The following OSTF1 variants were observed in gnomAD, a reference collection of about 807,000 sequenced individuals.
OSTF1 encodes osteoclast-stimulating factor 1.
In OSTF1, 27 loss-of-function variants were observed where a neutral mutation model predicts 37.2. The observed-to-expected ratio is 0.73, with a 90% confidence interval of 0.54 to 1.00. The LOEUF (loss-of-function observed/expected upper bound fraction) is 1.00, where lower values mean the gene tolerates loss of function less well. OSTF1 is among the 50% of genes least tolerant of loss of function. The pLI is 0.00. For synonymous variants in OSTF1, 82 were observed against 89.2 expected, an observed-to-expected ratio of 0.92 and a Z score of 0.46; for missense variants, 232 against 253.8, an observed-to-expected ratio of 0.91 and a Z score of 0.58.
At chr9:75,125,064 CA>C (rs1432030311) in intron 2 of OSTF1, among the ~76,000 whole-genome samples, 1 of 152,158 alleles carries the variant, frequency 6.6e-6, no homozygotes, top group Non-Finnish European at 1.5e-5. Flanking sequence ...AAAGTTCCTC[CA>C]GAAAAATGTT....
chr9:75,119,710 TA>T (rs1289041230), intron 2 of OSTF1, among the ~76,000 whole-genome samples: 1 of 152,208 alleles, frequency 6.6e-6, no homozygotes, highest in Non-Finnish European at 1.5e-5. Context: ...CTCACGCCTG[TA>T]ATCCCAGCAC....
chr9:75,119,117 G>A (rs961750141), intron 2 of OSTF1, among the ~76,000 whole-genome samples: 1 of 152,188 alleles, frequency 6.6e-6, no homozygotes, highest in Non-Finnish European at 1.5e-5. Context: ...GCCAGGGCCT[G>A]CCTTCAAATC....
At chr9:75,119,941 C>T (rs766578477) in intron 2 of OSTF1, among the ~76,000 whole-genome samples, 1 of 150,726 alleles carries the variant, frequency 6.6e-6, no homozygotes, top group African/African-American at 2.4e-5. Context: ...TCCAGCCTGG[C>T]GACAGAGTGA....
intron 1 of OSTF1, among the ~76,000 whole-genome samples, chr9:75,098,012 C>T (rs1825118956): frequency 6.6e-6 from 1 of 152,098 alleles, no homozygotes; most frequent in African/African-American, 2.4e-5. Flanking sequence ...TGTGCATCAC[C>T]ATGCCTGGCT....
In OSTF1 at chr9:75,117,552, T is replaced by A. The variant is rs1370445786; in HGVS notation, c.81+2T>A. ...CTGTATACGTTTGAACCCAGAACTG[T>A]AAGTGTTCAGTTTTTAACTTCTAAA... On this transcript the variant is annotated splice_donor_variant, in intron 2 of 9. Coordinates refer to ENST00000346234, the MANE Select transcript of OSTF1 (RefSeq NM_012383.5). LOFTEE classifies it high-confidence loss of function. The A allele has an allele frequency of 6.2e-7, 1 of 1,600,618 alleles. No homozygotes were observed. Among genetic ancestry groups the A allele is most frequent in the Non-Finnish European group, 8.6e-7 (1 of 1,168,626 alleles).
chr9:75,144,374 G>C (rs1252792198), intron 9 of OSTF1, among the ~76,000 whole-genome samples: 1 of 152,098 alleles, frequency 6.6e-6, no homozygotes, highest in African/African-American at 2.4e-5. Context: ...AACATAGTGA[G>C]ATGACGTCTT....
chr9:75,103,135 A>G (rs560656251), intron 1 of OSTF1, among the ~76,000 whole-genome samples: 1 of 152,244 alleles, frequency 6.6e-6, no homozygotes, highest in South Asian at 2.1e-4. Flanking sequence ...AAAAATAGAG[A>G]AAGAAAAATT....
chr9:75,128,394 A>T (rs868247927), intron 3 of OSTF1, among the ~76,000 whole-genome samples: 4 of 90,798 alleles, frequency 4.4e-5, no homozygotes, highest in African/African-American at 2.0e-4. Context: ...ATATATATAT[A>T]TATATATATA....
chr9:75,117,452 G>A, intron 1 of OSTF1, 52 bp from the exon 2 acceptor site: 1 of 1,317,278 alleles, frequency 7.6e-7, no homozygotes, highest in Non-Finnish European at 1.1e-6. Context: ...ATGCTATTAA[G>A]AGCAAATTCA....
At chr9:75,092,557 G>T (rs565215618) in intron 1 of OSTF1, among the ~76,000 whole-genome samples, 4 of 152,066 alleles carry the variant, frequency 2.6e-5, no homozygotes, top group African/African-American at 7.2e-5. Context: ...AAAAAAGCTT[G>T]TAAGTAAAAA....
chr9:75,137,696 A>G (rs1825865321), intron 8 of OSTF1, 80 bp downstream of exon 8: 2 of 863,460 alleles, frequency 2.3e-6, no homozygotes, highest in East Asian at 4.9e-5. Flanking sequence ...TTGAAATGGT[A>G]GGAAGAATAA....
At chr9:75,131,729 G>T in intron 4 of OSTF1, 41 bp from the exon 5 acceptor site, 1 of 1,514,910 alleles carries the variant, frequency 6.6e-7, no homozygotes, top group South Asian at 1.1e-5. Flanking sequence ...CATTTGTGTG[G>T]CAATTCCACA....
Position 75,147,033 on chromosome 9 carries a change from A to ATTTTTTTTTTTTTTTTTTTTTT in OSTF1, c.*293_*314dup, listed in dbSNP as rs34855201. The ATTTTTTTTTTTTTTTTTTTTTT allele has an allele frequency of 9.3e-6, 1 of 107,898 alleles. No homozygotes were observed. The highest frequency in any genetic ancestry group is 3.8e-5 in the African/African-American group (1 of 26,574). The allele number at this position is 107,898 out of a possible 1,614,324, so 6.7% of individuals were successfully genotyped here. On this transcript the variant is annotated 3_prime_UTR_variant, in exon 10 of 10. Transcript: ENST00000346234. The stretch of plus-strand genomic sequence containing the variant: ...TTTTTTTCTTTAAAAACAAATTAGG[A>ATTTTTTTTTTTTTTTTTTTTTT]TTTTTTTTTTTTTTTTTTTTTTAGT...
intron 5 of OSTF1, 38 bp downstream of exon 5, chr9:75,131,861 G>T: frequency 6.7e-7 from 1 of 1,488,836 alleles, no homozygotes; most frequent in East Asian, 2.3e-5. Context: ...ATGCAGTACA[G>T]TAAAAGGCAC....
intron 6 of OSTF1, 85 bp downstream of exon 6, chr9:75,133,486 G>A (rs1443803601): frequency 1.2e-6 from 1 of 802,402 alleles, no homozygotes; most frequent in Non-Finnish European, 2.1e-6. Context: ...AAATGAGAAA[G>A]GAAAAGCATT....
At position 75,137,924 on chromosome 9, in the gene OSTF1, C is replaced by T. The variant is rs2025160; in HGVS notation, c.487+308C>T. Among the ~76,000 whole-genome samples the T allele has an allele frequency of 7.1e-3, 1,086 of 152,186 alleles. 16 individuals carry two copies. Among genetic ancestry groups the T allele is most frequent in the African/African-American group, 0.023 (948 of 41,508 alleles). On this transcript the variant is annotated intron_variant, in intron 8 of 9. Coordinates refer to ENST00000346234, the MANE Select transcript of OSTF1 (RefSeq NM_012383.5). Reference sequence around the variant, plus strand: ...TAGAAACAAAGAATGTATGTGTACACGTGTGTTGGGGAGATCCTGTCTGAG... The same window carrying T: ...TAGAAACAAAGAATGTATGTGTACATGTGTGTTGGGGAGATCCTGTCTGAG...
intron 1 of OSTF1, among the ~76,000 whole-genome samples, chr9:75,111,351 G>A (rs932729226): frequency 6.6e-6 from 1 of 152,162 alleles, no homozygotes; most frequent in African/African-American, 2.4e-5. Context: ...GTGTTTGGCT[G>A]ATGACTAATG....
chr9:75,109,023 CTTTTT>C (rs1057097433), intron 1 of OSTF1, among the ~76,000 whole-genome samples: 1 of 135,382 alleles, frequency 7.4e-6, no homozygotes. Context: ...CAGGTTTATT[CTTTTT>C]TTTTTTTTTT....
At chr9:75,102,969 A>G (rs1825219878) in intron 1 of OSTF1, among the ~76,000 whole-genome samples, 1 of 152,200 alleles carries the variant, frequency 6.6e-6, no homozygotes, top group African/African-American at 2.4e-5. Context: ...GAGGACTCAT[A>G]TTAGTAAATA....
Sources: gnomAD v4.1 joint callset for allele counts (sites outside exome capture counted in the v4.1 genomes callset) on GRCh38, gnomAD v4.1.1 for gene constraint, MANE v1.5 for transcripts, NCBI Gene and HGNC (gene_info 2026-07-23, HGNC 2026-07-21) for gene names.